The following NFATC3 variants were observed in gnomAD, a reference collection of about 807,000 sequenced individuals.
NFATC3 encodes the protein nuclear factor of activated T cells 3, also known as nuclear factor of activated T-cells, cytoplasmic 3.
NFATC3 carries 46 observed loss-of-function variants against 98.6 expected under a neutral mutation model. The ratio of observed to expected loss-of-function variants is 0.47; its 90% CI spans 0.37 to 0.60. The LOEUF (loss-of-function observed/expected upper bound fraction) is 0.60, where lower values mean the gene tolerates loss of function less well. Among genes scored for constraint, NFATC3 ranks in the 20% least tolerant of loss-of-function variants. The probability of loss-of-function intolerance (pLI) is 0.00; values close to 1 mark genes in which losing one functional copy is unlikely to be tolerated. For synonymous variants in NFATC3, 512 were observed against 472.2 expected (o/e 1.08, Z -1.09); for missense variants, 1,256 against 1,295.5 (o/e 0.97, Z 0.47).
intron 1 of NFATC3, among the ~76,000 whole-genome samples, chr16:68,090,293 C>G (rs2151439075): frequency 1.9e-5 from 1 of 53,976 alleles, no homozygotes; most frequent in African/African-American, 1.1e-4. Flanking sequence ...TTTAAACACG[C>G]AACCCCCCCC....
At chr16:68,102,756 T>C (rs2035442241) in intron 1 of NFATC3, among the ~76,000 whole-genome samples, 1 of 152,246 alleles carries the variant, frequency 6.6e-6, no homozygotes, top group Non-Finnish European at 1.5e-5. Flanking sequence ...ATGTAAATTT[T>C]TGAGGCACCA....
intron 9 of NFATC3, chr16:68,224,960 A>C (rs966531285): frequency 2.0e-5 from 3 of 151,516 alleles, no homozygotes; most frequent in African/African-American, 7.3e-5. Flanking sequence ...TGATTGATTG[A>C]TTGATTTTTT....
At chr16:68,186,282 A>G (rs1335176447) in intron 8 of NFATC3, among the ~76,000 whole-genome samples, 1 of 151,790 alleles carries the variant, frequency 6.6e-6, no homozygotes, top group Non-Finnish European at 1.5e-5. Context: ...CAGGCGCTGT[A>G]GCTCACGCCT....
chr16:68,207,566 C>T (rs1256885635), intron 9 of NFATC3, among the ~76,000 whole-genome samples: 2 of 152,120 alleles, frequency 1.3e-5, no homozygotes, highest in African/African-American at 2.4e-5. Context: ...TGGGTTGAAG[C>T]GATTCTCATG....
At chr16:68,100,085 AT>A (rs1213000903) in intron 1 of NFATC3, among the ~76,000 whole-genome samples, 3 of 152,206 alleles carry the variant, frequency 2.0e-5, no homozygotes, top group Non-Finnish European at 4.4e-5. Flanking sequence ...GTGTTCCATC[AT>A]ATGGATGTAC....
rs2034351135 is a variant in NFATC3, at chr16:68,086,009, G to A, written c.103+225G>A. 4 of 428,540 alleles carry A rather than the reference G, an allele frequency of 9.3e-6. No homozygotes were observed. In the South Asian group the frequency reaches 1.3e-4, roughly 14 times the overall value. The allele number at this position is 428,540 out of a possible 1,614,324, so 26.5% of individuals were successfully genotyped here. ...GGCTTGGCTGGAAGCAAACTAGTGGGGAACTCGACTCCGGGACGATCGGGG... is the reference window on the plus strand; with the variant it reads ...GGCTTGGCTGGAAGCAAACTAGTGGAGAACTCGACTCCGGGACGATCGGGG... On this transcript the variant is annotated intron_variant, in intron 1 of 9. Coordinates refer to ENST00000346183, the MANE Select transcript of NFATC3 (RefSeq NM_173165.3).
chr16:68,137,155 G>A (rs1293029941), intron 3 of NFATC3, among the ~76,000 whole-genome samples: 1 of 152,004 alleles, frequency 6.6e-6, no homozygotes, highest in African/African-American at 2.4e-5. Context: ...AAAATCTTTT[G>A]TCTTTTGTAG....
intron 9 of NFATC3, among the ~76,000 whole-genome samples, chr16:68,222,972 C>T (rs1375152368): frequency 6.6e-6 from 1 of 152,200 alleles, no homozygotes; most frequent in African/African-American, 2.4e-5. Flanking sequence ...TAACAGGTGC[C>T]AAGGGCTGCC....
chr16:68,106,296 CTT>C (rs1262550086), intron 1 of NFATC3, among the ~76,000 whole-genome samples: 2 of 143,046 alleles, frequency 1.4e-5, no homozygotes, highest in Admixed American at 7.0e-5. Flanking sequence ...TTTTCTTTTT[CTT>C]TTTTTTTTTT....
chr16:68,142,184 C>G (rs929077552), intron 3 of NFATC3, among the ~76,000 whole-genome samples: 1 of 152,050 alleles, frequency 6.6e-6, no homozygotes, highest in African/African-American at 2.4e-5. Flanking sequence ...GTCATTTTCA[C>G]GATACTGAGT....
At position 68,101,913 on chromosome 16, in the gene NFATC3, A is replaced by G. The variant is rs560117936; in HGVS notation, c.103+16129A>G. Among the ~76,000 whole-genome samples, 8 of 152,192 alleles carry G rather than the reference A, an allele frequency of 5.3e-5. No individual in the cohort carries two copies. The South Asian group carries it at 1.5e-3, about 28-fold the overall frequency. ...TAATCTGGATTAGTGGATACCTAGC[A>G]TGTTGTACATCTGTCATTGTGAGAC... is the stretch of plus-strand genomic sequence containing the variant. On this transcript the variant is annotated intron_variant, in intron 1 of 9. Coordinates refer to ENST00000346183, the MANE Select transcript of NFATC3 (RefSeq NM_173165.3).
intron 9 of NFATC3, among the ~76,000 whole-genome samples, chr16:68,210,081 A>G (rs1279963659): frequency 6.6e-6 from 1 of 152,082 alleles, no homozygotes; most frequent in African/African-American, 2.4e-5. Context: ...GCGGATCACG[A>G]GGTCGGGACA....
chr16:68,158,868 A>G (rs1490743122), intron 4 of NFATC3, among the ~76,000 whole-genome samples: 1 of 152,198 alleles, frequency 6.6e-6, no homozygotes, highest in Non-Finnish European at 1.5e-5. Flanking sequence ...TAACAACTCT[A>G]CATCTCATTG....
intron 3 of NFATC3, among the ~76,000 whole-genome samples, chr16:68,131,981 C>G (rs937868086): frequency 2.6e-5 from 4 of 152,088 alleles, no homozygotes; most frequent in Non-Finnish European, 5.9e-5. Flanking sequence ...GTATAGTGTT[C>G]CATACATTGC....
At chr16:68,182,657 A>G (rs909726337) in intron 7 of NFATC3, among the ~76,000 whole-genome samples, 1 of 151,830 alleles carries the variant, frequency 6.6e-6, no homozygotes, top group Non-Finnish European at 1.5e-5. Context: ...AGTAGCTGGG[A>G]CTACAGGCGT....
At chr16:68,221,830 A>T (rs2041875199) in intron 9 of NFATC3, among the ~76,000 whole-genome samples, 1 of 152,226 alleles carries the variant, frequency 6.6e-6, no homozygotes, top group South Asian at 2.1e-4. Flanking sequence ...GAGCAGAAAT[A>T]ACACAGCATT....
intron 1 of NFATC3, among the ~76,000 whole-genome samples, chr16:68,105,433 CA>C (rs2035603788): frequency 6.6e-6 from 1 of 152,020 alleles, no homozygotes; most frequent in Non-Finnish European, 1.5e-5. Flanking sequence ...TATATTATAT[CA>C]GTTGATTTTC....
chr16:68,116,245 AAGAC>A (rs1304298160), intron 1 of NFATC3, among the ~76,000 whole-genome samples: 3 of 152,040 alleles, frequency 2.0e-5, no homozygotes, highest in African/African-American at 7.2e-5. Context: ...AGGCTATAGA[AAGAC>A]AAACTATTAT....
chr16:68,184,478 C>A (rs191270511), intron 8 of NFATC3, among the ~76,000 whole-genome samples: 163 of 152,168 alleles, frequency 1.1e-3, no homozygotes, highest in Non-Finnish European at 2.2e-3. Flanking sequence ...TGGGTGATTT[C>A]ACAGTTGGAC....
Sources: gnomAD v4.1 joint callset for allele counts (sites outside exome capture counted in the v4.1 genomes callset) on GRCh38, gnomAD v4.1.1 for gene constraint, MANE v1.5 for transcripts, NCBI Gene and HGNC (gene_info 2026-07-23, HGNC 2026-07-21) for gene names.